DLGAP1: variants seen among roughly 807,000 people sequenced by gnomAD.
The protein encoded by DLGAP1 is DLG associated protein 1, also known as disks large-associated protein 1.
DLGAP1 carries 11 observed loss-of-function variants against 90.8 expected under a neutral mutation model. That is an observed-to-expected ratio of 0.12 (90% CI 0.08 to 0.20). DLGAP1 has a LOEUF of 0.20. DLGAP1 is among the 10% of genes least tolerant of loss of function. The pLI is 1.00. For synonymous variants in DLGAP1, 558 were observed against 540.7 expected (o/e 1.03, Z -0.44); for missense variants, 1,050 against 1,333.8 (o/e 0.79, Z 3.31).
At chr18:3,870,386 A>G (rs1190924103) in intron 4 of DLGAP1, among the ~76,000 whole-genome samples, 3 of 152,204 alleles carry the variant, frequency 2.0e-5, no homozygotes, top group Admixed American at 6.5e-5. Context: ...TTCATGTAGC[A>G]TTTCCAATTT....
intron 1 of DLGAP1, among the ~76,000 whole-genome samples, chr18:4,435,182 GA>G (rs1425714762): frequency 3.3e-5 from 5 of 152,170 alleles, no homozygotes; most frequent in Non-Finnish European, 5.9e-5. Flanking sequence ...GATTTGCAGG[GA>G]AAAGAGATGA....
intron 1 of DLGAP1, among the ~76,000 whole-genome samples, chr18:4,254,174 A>G (rs2078839550): frequency 6.6e-6 from 1 of 152,158 alleles, no homozygotes; most frequent in African/African-American, 2.4e-5. Flanking sequence ...CCTCTTACGA[A>G]TTTGGAATCC....
chr18:3,719,418 TG>T (rs1479738250), intron 7 of DLGAP1, among the ~76,000 whole-genome samples: 2 of 151,106 alleles, frequency 1.3e-5, no homozygotes, highest in African/African-American at 2.4e-5. Flanking sequence ...ATTAGCCGGG[TG>T]TGGTGGCGGG....
At chr18:4,173,913 G>A (rs367841879) in intron 1 of DLGAP1, among the ~76,000 whole-genome samples, 8 of 152,008 alleles carry the variant, frequency 5.3e-5, no homozygotes, top group South Asian at 2.1e-4. Flanking sequence ...CCTGGCTCTC[G>A]GGACATCTCC....
At chr18:3,599,654 T>A (rs2056787609) in intron 7 of DLGAP1, among the ~76,000 whole-genome samples, 1 of 152,188 alleles carries the variant, frequency 6.6e-6, no homozygotes, top group Admixed American at 6.5e-5. Context: ...ACAGTCTCAC[T>A]CTGTTGTCAG....
intron 10 of DLGAP1, among the ~76,000 whole-genome samples, chr18:3,527,834 C>T (rs1052555635): frequency 1.3e-5 from 2 of 152,110 alleles, no homozygotes; most frequent in African/African-American, 4.8e-5. Flanking sequence ...CTCAAGCGAT[C>T]CTCATGGCAT....
chr18:4,444,959 T>C (rs2083624707), intron 1 of DLGAP1, among the ~76,000 whole-genome samples: 1 of 152,180 alleles, frequency 6.6e-6, no homozygotes, highest in Admixed American at 6.5e-5. Flanking sequence ...ATCATGATAG[T>C]AGAATCTGGA....
At chr18:4,330,681 T>G (rs1268226890) in intron 1 of DLGAP1, among the ~76,000 whole-genome samples, 2 of 151,992 alleles carry the variant, frequency 1.3e-5, no homozygotes, top group East Asian at 1.9e-4. Context: ...TTCAAGATAC[T>G]CTTTTGTTAT....
At chr18:3,737,802 G>C (rs1446200694) in intron 6 of DLGAP1, among the ~76,000 whole-genome samples, 1 of 144,704 alleles carries the variant, frequency 6.9e-6, no homozygotes, top group East Asian at 2.0e-4. Context: ...GGAAATAAAG[G>C]GTATTCAATT....
chr18:4,286,691 G>C (rs973387892), intron 1 of DLGAP1, among the ~76,000 whole-genome samples: 1 of 152,138 alleles, frequency 6.6e-6, no homozygotes, highest in African/African-American at 2.4e-5. Flanking sequence ...GAACTAGTTA[G>C]TACTGATTGC....
intron 9 of DLGAP1, among the ~76,000 whole-genome samples, chr18:3,545,119 T>C (rs1353859487): frequency 6.6e-6 from 1 of 150,890 alleles, no homozygotes; most frequent in Non-Finnish European, 1.5e-5. Context: ...ACTAATAATA[T>C]AAAAATTAGC....
At chr18:4,091,083 G>C (rs111523097) in intron 2 of DLGAP1, among the ~76,000 whole-genome samples, 16 of 152,254 alleles carry the variant, frequency 1.1e-4, no homozygotes, top group African/African-American at 3.4e-4. Context: ...CATATACTGG[G>C]GCCTATTGTT....
At chr18:3,550,351 G>T (rs538779533) in intron 9 of DLGAP1, among the ~76,000 whole-genome samples, 1 of 151,426 alleles carries the variant, frequency 6.6e-6, no homozygotes, top group Non-Finnish European at 1.5e-5. Flanking sequence ...TCAGCCTCCC[G>T]AGTAGCTGGG....
At position 3,895,280 on chromosome 18, in the gene DLGAP1, T is replaced by TACACACACAC. The variant is rs35493688; in HGVS notation, c.-72-15150_-72-15141dup. Among the ~76,000 whole-genome samples, 704 of 137,340 alleles carry TACACACACAC rather than the reference T, an allele frequency of 5.1e-3. 8 individuals carry two copies. Among genetic ancestry groups the TACACACACAC allele is most frequent in the African/African-American group, 0.017 (615 of 36,804 alleles). 90.1% of individuals were successfully genotyped at this position (137,340 alleles called of 152,430 possible). Reference sequence around the variant, plus strand: ...CATTGTATTTCCCTTGGATGTTTATTACACACACACACACACACACACACA... The same window carrying TACACACACAC: ...CATTGTATTTCCCTTGGATGTTTATTACACACACACACACACACACACACACACACACACA... On this transcript the variant is annotated intron_variant, in intron 3 of 12. Coordinates refer to ENST00000315677, the MANE Select transcript of DLGAP1 (RefSeq NM_004746.4).
chr18:3,567,608 T>C, intron 8 of DLGAP1, 27 bp from the exon 9 acceptor site: 1 of 1,587,630 alleles, frequency 6.3e-7, no homozygotes, highest in Non-Finnish European at 8.6e-7. Context: ...ATAAATAGAG[T>C]TGTTCCATTT....
intron 5 of DLGAP1, among the ~76,000 whole-genome samples, chr18:3,772,458 C>CTCTTTCTTTCTTTCTTTCTTTCTTTCTT (rs10667751): frequency 1.3e-4 from 11 of 83,806 alleles, no homozygotes; most frequent in African/African-American, 4.9e-4. Flanking sequence ...CCCCACCCCC[C>CTCTTTCTTTCTTTCTTTCTTTCTTTCTT]TCTTTCTTTC....
chr18:4,259,107 C>T (rs2078954363), intron 1 of DLGAP1, among the ~76,000 whole-genome samples: 1 of 152,170 alleles, frequency 6.6e-6, no homozygotes, highest in South Asian at 2.1e-4. Flanking sequence ...GTGCCTGGTA[C>T]ATAAATGGAT....
intron 3 of DLGAP1, among the ~76,000 whole-genome samples, chr18:3,898,489 C>T (rs1338571948): frequency 1.3e-5 from 2 of 152,156 alleles, no homozygotes; most frequent in Non-Finnish European, 2.9e-5. Context: ...GGAAGTCAGA[C>T]TCCAGAGCTC....
Position 3,775,094 on chromosome 18 carries a change from G to T in DLGAP1, c.1173-32582C>A, listed in dbSNP as rs142967749. Among the ~76,000 whole-genome samples, 4 of 152,304 alleles carry T rather than the reference G, an allele frequency of 2.6e-5. No individual in the cohort carries two copies. The East Asian group carries it at 7.7e-4, about 29-fold the overall frequency. On this transcript the variant is annotated intron_variant, in intron 5 of 12. Transcript: ENST00000315677. This position sits in a 1 kb window ranked among gnomAD's most constrained non-coding sequence, Gnocchi z 4.9. ...CCCACAGGCTTTGTCCCAGGTCACT[G>T]TGTGTTCTTTAAGCCCATTGAACTC... is the stretch of plus-strand genomic sequence containing the variant.
Sources: gnomAD v4.1 joint callset for allele counts (sites outside exome capture counted in the v4.1 genomes callset) on GRCh38, gnomAD v4.1.1 for gene constraint, Gnocchi (gnomAD v3.1) non-coding constraint, MANE v1.5 for transcripts, NCBI Gene and HGNC (gene_info 2026-07-23, HGNC 2026-07-21) for gene names.